KCNB2: variants seen among roughly 807,000 people sequenced by gnomAD.
The protein encoded by KCNB2 is potassium voltage-gated channel subfamily B member 2.
A neutral mutation model predicts 61.5 loss-of-function variants in KCNB2; 15 were observed. The observed-to-expected ratio is 0.24, with a 90% CI of 0.16 to 0.38. The LOEUF (loss-of-function observed/expected upper bound fraction) is 0.38, where lower values mean the gene tolerates loss of function less well. Among genes scored for constraint, KCNB2 ranks in the 10% least tolerant of loss-of-function variants. KCNB2 has a pLI of 1.00. For synonymous variants in KCNB2, 457 were observed against 446.0 expected (o/e 1.02, Z -0.31); for missense variants, 828 against 1,125.2 (o/e 0.74, Z 3.78).
chr8:72,730,122 C>T (rs1315187879), intron 2 of KCNB2, among the ~76,000 whole-genome samples: 2 of 152,102 alleles, frequency 1.3e-5, no homozygotes, highest in African/African-American at 4.8e-5. Context: ...CCAATTCTGT[C>T]TGCTCCTGAG....
chr8:72,684,489 A>G (rs1385843913), intron 2 of KCNB2, among the ~76,000 whole-genome samples: 1 of 152,162 alleles, frequency 6.6e-6, no homozygotes, highest in Non-Finnish European at 1.5e-5. Context: ...CACAGTATTT[A>G]AGACGCAGGA....
chr8:72,719,030 A>G (rs928139713), intron 2 of KCNB2, among the ~76,000 whole-genome samples: 3 of 152,138 alleles, frequency 2.0e-5, no homozygotes, highest in African/African-American at 7.2e-5. Flanking sequence ...GACTTTAGAA[A>G]ACATCTGAAG....
intron 2 of KCNB2, among the ~76,000 whole-genome samples, chr8:72,868,132 T>A (rs1805561450): frequency 6.7e-6 from 1 of 150,298 alleles, no homozygotes; most frequent in Non-Finnish European, 1.5e-5. Context: ...AGTTCAATGG[T>A]GCAATCATAG....
At chr8:72,742,260 T>C (rs779802049) in intron 2 of KCNB2, among the ~76,000 whole-genome samples, 1 of 152,228 alleles carries the variant, frequency 6.6e-6, no homozygotes, top group Non-Finnish European at 1.5e-5. Context: ...TCCATCTGAG[T>C]AGAAGTTTCT....
chr8:72,780,140 T>A (rs1032757649), intron 2 of KCNB2, among the ~76,000 whole-genome samples: 39 of 152,312 alleles, frequency 2.6e-4, no homozygotes, highest in African/African-American at 8.9e-4. Context: ...AAGAGCCAAA[T>A]ACTTTACGCT....
chr8:72,743,432 T>C (rs1808000667), intron 2 of KCNB2, among the ~76,000 whole-genome samples: 1 of 152,200 alleles, frequency 6.6e-6, no homozygotes, highest in South Asian at 2.1e-4. Context: ...ACTGCGTGTG[T>C]TTATCTAGAG....
At chr8:72,736,299 A>G (rs756196882) in intron 2 of KCNB2, among the ~76,000 whole-genome samples, 16 of 152,026 alleles carry the variant, frequency 1.1e-4, no homozygotes, top group Non-Finnish European at 1.9e-4. Flanking sequence ...TCTAAAATAT[A>G]TCTGGCCCCA....
intron 2 of KCNB2, among the ~76,000 whole-genome samples, chr8:72,717,508 G>A (rs865825637): frequency 1.3e-5 from 2 of 152,040 alleles, no homozygotes; most frequent in Non-Finnish European, 2.9e-5. Context: ...AAATAATGCC[G>A]CAAATCTACA....
At chr8:72,895,947 A>G (rs971129057) in intron 2 of KCNB2, among the ~76,000 whole-genome samples, 16 of 152,186 alleles carry the variant, frequency 1.1e-4, no homozygotes, top group South Asian at 6.2e-4. Flanking sequence ...TTAAAAGTCT[A>G]TATTTTATAA....
chr8:72,620,238 G>A (rs1335306485), intron 2 of KCNB2, among the ~76,000 whole-genome samples: 32 of 152,202 alleles, frequency 2.1e-4, no homozygotes, highest in Admixed American at 2.1e-3. Flanking sequence ...ATGTTGCCAA[G>A]GAAGACAGAA....
rs74393765 is a variant in KCNB2, at chr8:72,893,547, G to T, written c.580-42388G>T. Among the ~76,000 whole-genome samples the T allele has an allele frequency of 6.3e-3, 961 of 152,184 alleles. 11 individuals carry two copies. Among genetic ancestry groups the T allele is most frequent in the African/African-American group, 0.022 (930 of 41,530 alleles). ...AGCTGTGTGAAGTATTTTTATATGTGCATCACCATATTCAATCTCCATGTA... is the reference window on the plus strand; with the variant it reads ...AGCTGTGTGAAGTATTTTTATATGTTCATCACCATATTCAATCTCCATGTA... On this transcript the variant is annotated intron_variant, in intron 2 of 2. Transcript: ENST00000523207.
intron 1 of KCNB2, among the ~76,000 whole-genome samples, chr8:72,566,323 C>G (rs763544782): frequency 5.3e-5 from 8 of 152,130 alleles, no homozygotes; most frequent in Non-Finnish European, 2.9e-5. Context: ...TGTATCTTAG[C>G]AGAGCATTCT....
chr8:72,706,271 C>A (rs1807222029), intron 2 of KCNB2, among the ~76,000 whole-genome samples: 1 of 152,136 alleles, frequency 6.6e-6, no homozygotes, highest in African/African-American at 2.4e-5. Context: ...ATAATTGCTA[C>A]AAATAATTGT....
intron 2 of KCNB2, among the ~76,000 whole-genome samples, chr8:72,748,238 C>G (rs1808113993): frequency 6.6e-6 from 1 of 152,134 alleles, no homozygotes; most frequent in African/African-American, 2.4e-5. Flanking sequence ...TGGTTCAAGT[C>G]TCATTGACCT....
At chr8:72,566,300 G>C (rs1806624485) in intron 1 of KCNB2, among the ~76,000 whole-genome samples, 2 of 152,156 alleles carry the variant, frequency 1.3e-5, no homozygotes, top group African/African-American at 4.8e-5. Context: ...CATGTGAGTG[G>C]CAAGGTCAAA....
At chr8:72,803,946 C>T (rs1452692169) in intron 2 of KCNB2, among the ~76,000 whole-genome samples, 2 of 152,146 alleles carry the variant, frequency 1.3e-5, no homozygotes, top group Non-Finnish European at 2.9e-5. Context: ...CAGGAAGGCA[C>T]TTTACAAGGG....
intron 2 of KCNB2, among the ~76,000 whole-genome samples, chr8:72,934,394 CAA>C (rs11392513): frequency 1.3e-4 from 11 of 83,802 alleles, no homozygotes; most frequent in East Asian, 3.6e-4. Context: ...TCACCCCCCG[CAA>C]AAAAAAAAAA....
At chr8:72,898,473 G>A (rs951401021) in intron 2 of KCNB2, among the ~76,000 whole-genome samples, 13 of 151,876 alleles carry the variant, frequency 8.6e-5, no homozygotes, top group African/African-American at 3.1e-4. Flanking sequence ...TTGGAAAGCT[G>A]ACCACTTATT....
chr8:72,904,964 G>A (rs6984772), intron 2 of KCNB2, among the ~76,000 whole-genome samples: 46,752 of 151,900 alleles, frequency 0.31, 7,695 homozygotes, highest in South Asian at 0.48. Context: ...GTGATGTATA[G>A]CTGGATGGAT....
Sources: gnomAD v4.1 joint callset for allele counts (sites outside exome capture counted in the v4.1 genomes callset) on GRCh38, gnomAD v4.1.1 for gene constraint, MANE v1.5 for transcripts, NCBI Gene and HGNC (gene_info 2026-07-23, HGNC 2026-07-21) for gene names.